Variants in TUSC3 observed in about 807,000 individuals in gnomAD.
TUSC3 encodes tumor suppressor candidate 3.
In TUSC3, 45 loss-of-function variants were observed where a neutral mutation model predicts 44.8. The observed-to-expected ratio is 1.00, with a 90% CI of 0.79 to 1.29. The LOEUF (loss-of-function observed/expected upper bound fraction) is 1.29, where lower values mean the gene tolerates loss of function less well. Ranked by LOEUF, TUSC3 falls within the 50% of genes most tolerant of loss-of-function variation. TUSC3 has a pLI of 0.00. For synonymous variants in TUSC3, 212 were observed against 152.9 expected, an observed-to-expected ratio of 1.39 and a Z score of -2.85; for missense variants, 519 against 437.9, an observed-to-expected ratio of 1.19 and a Z score of -1.65.
At chr8:15,647,347 A>G (rs1299810624) in intron 2 of TUSC3, among the ~76,000 whole-genome samples, 1 of 152,198 alleles carries the variant, frequency 6.6e-6, no homozygotes, top group Admixed American at 6.5e-5. Flanking sequence ...AAATTATGAT[A>G]CATTTTAATA....
intron 9 of TUSC3, among the ~76,000 whole-genome samples, chr8:15,753,085 T>A (rs1197214231): frequency 2.0e-5 from 3 of 152,040 alleles, no homozygotes; most frequent in Non-Finnish European, 4.4e-5. Flanking sequence ...GCTGCTATAG[T>A]TTACATAGAT....
At chr8:15,604,896 T>G (rs1804454039) in intron 1 of TUSC3, among the ~76,000 whole-genome samples, 1 of 151,864 alleles carries the variant, frequency 6.6e-6, no homozygotes, top group Non-Finnish European at 1.5e-5. Flanking sequence ...TTATATTGGT[T>G]TCTTGTATCT....
intron 2 of TUSC3, among the ~76,000 whole-genome samples, chr8:15,516,705 C>T (rs182942108): frequency 3.9e-5 from 6 of 152,168 alleles, no homozygotes; most frequent in Admixed American, 1.3e-4. Context: ...CATATTTAGA[C>T]AAATTAATCC....
intron 6 of TUSC3, among the ~76,000 whole-genome samples, chr8:15,721,224 A>C (rs1053391194): frequency 6.6e-6 from 1 of 152,110 alleles, no homozygotes. Flanking sequence ...CATTCAATTT[A>C]TTAGCAAATC....
intron 1 of TUSC3, among the ~76,000 whole-genome samples, chr8:15,427,169 C>T (rs1286970483): frequency 6.8e-6 from 1 of 147,330 alleles, no homozygotes; most frequent in Non-Finnish European, 1.5e-5. Context: ...TACTTTATTT[C>T]ATTCTACAGA....
At chr8:15,441,517 A>G (rs1429454026) in intron 1 of TUSC3, among the ~76,000 whole-genome samples, 1 of 152,244 alleles carries the variant, frequency 6.6e-6, no homozygotes, top group Non-Finnish European at 1.5e-5. Flanking sequence ...TTCTTGGAAC[A>G]TAGATACTTG....
chr8:15,757,480 G>A (rs1811974232), intron 9 of TUSC3, among the ~76,000 whole-genome samples: 1 of 152,138 alleles, frequency 6.6e-6, no homozygotes, highest in South Asian at 2.1e-4. Context: ...ACCTTAAGCT[G>A]TACAAATAGA....
At chr8:15,837,524 T>C in the TUSC3 span, among the ~76,000 whole-genome samples, 331 of 152,248 alleles carry the variant, frequency 2.2e-3, 1 homozygote, top group African/African-American at 7.6e-3. Flanking sequence ...CTTTCCCCCA[T>C]GTTCCTTACT....
At chr8:15,680,055 G>C (rs1156698716) in intron 6 of TUSC3, among the ~76,000 whole-genome samples, 1 of 151,434 alleles carries the variant, frequency 6.6e-6, no homozygotes, top group Non-Finnish European at 1.5e-5. Flanking sequence ...GGATTACCTT[G>C]GCTATTTGTT....
the TUSC3 span, among the ~76,000 whole-genome samples, chr8:15,832,280 C>A: frequency 6.6e-6 from 1 of 152,134 alleles, no homozygotes; most frequent in African/African-American, 2.4e-5. Flanking sequence ...CCTTACCCAC[C>A]TGAAGGAAAC....
intron 1 of TUSC3, among the ~76,000 whole-genome samples, chr8:15,609,978 T>C (rs1041391911): frequency 8.5e-5 from 13 of 152,148 alleles, no homozygotes; most frequent in African/African-American, 3.1e-4. Flanking sequence ...TTTTAGTCTC[T>C]GGTATTTTAT....
At chr8:15,662,462 A>T (rs1317588891) in intron 5 of TUSC3, among the ~76,000 whole-genome samples, 166 bp downstream of exon 5, 3 of 144,172 alleles carry the variant, frequency 2.1e-5, no homozygotes, top group Admixed American at 7.1e-5. Flanking sequence ...CTGTCAATCA[A>T]AACTGTGCTA....
intron 1 of TUSC3, among the ~76,000 whole-genome samples, chr8:15,467,552 G>T (rs374031527): frequency 6.6e-6 from 1 of 152,044 alleles, no homozygotes; most frequent in East Asian, 1.9e-4. Flanking sequence ...AGTTTCATTG[G>T]GAGATGACAA....
chr8:15,843,669 TTATCTA>T, the TUSC3 span, among the ~76,000 whole-genome samples: 1 of 151,060 alleles, frequency 6.6e-6, no homozygotes, highest in African/African-American at 2.4e-5. Context: ...ATGTTTATAA[TTATCTA>T]TATCTATATG....
intron 1 of TUSC3, among the ~76,000 whole-genome samples, chr8:15,620,714 T>C (rs1217277257): frequency 6.6e-6 from 1 of 152,140 alleles, no homozygotes; most frequent in African/African-American, 2.4e-5. Flanking sequence ...GAATTTTCGT[T>C]TGTGATCAGG....
At chr8:15,640,985 C>T (rs1222208378) in intron 2 of TUSC3, among the ~76,000 whole-genome samples, 1 of 152,148 alleles carries the variant, frequency 6.6e-6, no homozygotes, top group Non-Finnish European at 1.5e-5. Context: ...TATCTGCTCC[C>T]ATGTACTAGA....
At chr8:15,843,222 A>T in the TUSC3 span, among the ~76,000 whole-genome samples, 1 of 152,152 alleles carries the variant, frequency 6.6e-6, no homozygotes, top group South Asian at 2.1e-4. Context: ...ACTACAATAC[A>T]TTAGTTAATT....
chr8:15,611,666 A>T (rs9325759), intron 1 of TUSC3, among the ~76,000 whole-genome samples: 38,627 of 151,914 alleles, frequency 0.25, 5,125 homozygotes, highest in Non-Finnish European at 0.28. Context: ...GTATTTGTTT[A>T]ATTTACTGTA....
At chr8:15,597,798 G>T (rs946812886) in intron 1 of TUSC3, among the ~76,000 whole-genome samples, 6 of 151,942 alleles carry the variant, frequency 3.9e-5, no homozygotes, top group Admixed American at 2.6e-4. Flanking sequence ...TAATGATTCC[G>T]TACTTTATCA....
Sources: allele counts gnomAD v4.1 joint callset (sites outside exome capture counted in the v4.1 genomes callset), GRCh38; gene constraint gnomAD v4.1.1; transcripts MANE v1.5; gene names NCBI Gene and HGNC (gene_info 2026-07-23, HGNC 2026-07-21).